The following AFG1L variants were observed in gnomAD, a reference collection of about 807,000 sequenced individuals.
The protein encoded by AFG1L is AFG1-like ATPase.
A neutral mutation model predicts 62.2 loss-of-function variants in AFG1L; 53 were observed. That is an observed-to-expected ratio of 0.85 (90% CI 0.68 to 1.07). The LOEUF (loss-of-function observed/expected upper bound fraction) is 1.07. Among genes scored for constraint, AFG1L ranks in the 50% least tolerant of loss-of-function variants. The pLI, the probability that AFG1L is intolerant of heterozygous loss-of-function variation, is 0.00. For missense variants in AFG1L, 555 were observed against 590.5 expected, an observed-to-expected ratio of 0.94 and a Z score of 0.62; for synonymous variants, 228 against 210.3, an observed-to-expected ratio of 1.08 and a Z score of -0.73.
chr6:108,461,283 A>C lies in AFG1L; in HGVS notation c.890+13987A>C, dbSNP rs189945523. 4.6e-5 allele frequency among the ~76,000 whole-genome samples: 7 copies of C among 152,318 alleles called. No homozygotes were observed. The East Asian group carries it at 1.3e-3, about 29-fold the overall frequency. On this transcript the variant is annotated intron_variant, in intron 8 of 12. Coordinates refer to ENST00000368977, the MANE Select transcript of AFG1L (RefSeq NM_145315.5). The stretch of plus-strand genomic sequence containing the variant: ...GAAGGGCTCTGTGGTGGGGAAATAT[A>C]GTTGGTTCTCAAAAGTAGATGCACG...
Position 108,346,991 on chromosome 6 carries a change from T to C in AFG1L, c.367T>C (p.Phe123Leu), listed in dbSNP as rs775252035. ...IEAEGLFSKL[F>L]SRSKPPRGLY... is the part of the protein sequence containing the mutation. ...ATAATTTGTTCTTAATTTGCAGCTTTTTTCAAGGAGCAAACCTCCAAGGGG... is the reference window on the plus strand; with the variant it reads ...ATAATTTGTTCTTAATTTGCAGCTTCTTTCAAGGAGCAAACCTCCAAGGGG... Residue 123 changes from phenylalanine to leucine, a missense_variant, in exon 3 of 13, where the codon TTT (phenylalanine) becomes CTT (leucine). Transcript: ENST00000368977. 6.2e-6 allele frequency: 10 copies of C among 1,612,868 alleles called. No homozygotes were observed. Among genetic ancestry groups the C allele is most frequent in the Non-Finnish European group, 8.5e-6 (10 of 1,179,102 alleles).
At chr6:108,507,028 G>A (rs1394349061) in intron 10 of AFG1L, among the ~76,000 whole-genome samples, 1 of 151,688 alleles carries the variant, frequency 6.6e-6, no homozygotes, top group Non-Finnish European at 1.5e-5. Flanking sequence ...TTTTTTGGGG[G>A]GAAAAAACTT....
At chr6:108,373,286 G>A (rs897650522) in intron 6 of AFG1L, among the ~76,000 whole-genome samples, 4 of 152,058 alleles carry the variant, frequency 2.6e-5, no homozygotes, top group East Asian at 1.9e-4. Context: ...GAGAACATGT[G>A]GTATATGGTT....
At chr6:108,404,553 C>T (rs529349636) in intron 7 of AFG1L, among the ~76,000 whole-genome samples, 1 of 151,834 alleles carries the variant, frequency 6.6e-6, no homozygotes, top group Non-Finnish European at 1.5e-5. Context: ...GTTAATTATG[C>T]TGTTCAAATC....
chr6:108,400,466 C>T (rs970518524), intron 6 of AFG1L, among the ~76,000 whole-genome samples: 3 of 148,932 alleles, frequency 2.0e-5, no homozygotes, highest in Admixed American at 6.9e-5. Flanking sequence ...TTTTGTCCTT[C>T]AAAGAATGGA....
At chr6:108,429,097 G>A (rs1582573192) in intron 7 of AFG1L, among the ~76,000 whole-genome samples, 1 of 152,060 alleles carries the variant, frequency 6.6e-6, no homozygotes, top group Admixed American at 6.5e-5. Flanking sequence ...ATAAGGTAAG[G>A]GATAGGGATC....
intron 10 of AFG1L, among the ~76,000 whole-genome samples, chr6:108,508,935 C>T (rs1169620011): frequency 6.6e-6 from 1 of 152,190 alleles, no homozygotes; most frequent in Non-Finnish European, 1.5e-5. Flanking sequence ...GCTCAGCCAC[C>T]TGTGTCCTAG....
At chr6:108,403,047 A>G (rs1396252498) in intron 7 of AFG1L, among the ~76,000 whole-genome samples, 2 of 152,140 alleles carry the variant, frequency 1.3e-5, no homozygotes, top group African/African-American at 4.8e-5. Context: ...CATTCTGCCA[A>G]TATTTATTAA....
intron 2 of AFG1L, among the ~76,000 whole-genome samples, chr6:108,337,888 A>G (rs1351266683): frequency 1.3e-5 from 2 of 152,166 alleles, no homozygotes; most frequent in Non-Finnish European, 2.9e-5. Context: ...CCTCAGGGAG[A>G]TGGTGTAATG....
At chr6:108,371,303 G>A (rs1271972013) in intron 6 of AFG1L, among the ~76,000 whole-genome samples, 1 of 152,180 alleles carries the variant, frequency 6.6e-6, no homozygotes, top group African/African-American at 2.4e-5. Context: ...CAGGCTGGGT[G>A]TAATGGCTCA....
At chr6:108,466,546 GT>G (rs886707076) in intron 8 of AFG1L, among the ~76,000 whole-genome samples, 1 of 151,866 alleles carries the variant, frequency 6.6e-6, no homozygotes, top group African/African-American at 2.4e-5. Flanking sequence ...TAGGACTGGT[GT>G]TCTCATAAGA....
Position 108,382,149 on chromosome 6 carries a change from C to T in AFG1L, c.748+15817C>T, listed in dbSNP as rs149627666. Among the ~76,000 whole-genome samples, 1,449 of 151,952 alleles carry T rather than the reference C, an allele frequency of 9.5e-3. 18 individuals carry two copies. The highest frequency in any genetic ancestry group is 0.032 in the African/African-American group (1,338 of 41,436). On this transcript the variant is annotated intron_variant, in intron 6 of 12. Transcript: ENST00000368977. ...CCGAGTAGCTGGGATTACAGGCACG[C>T]GCCACCACACCTGGCTAATTTTGTA...
chr6:108,415,072 G>C (rs1024723338), intron 7 of AFG1L, among the ~76,000 whole-genome samples: 3 of 152,186 alleles, frequency 2.0e-5, no homozygotes, highest in Non-Finnish European at 4.4e-5. Flanking sequence ...CTTCAGCAAA[G>C]TCTCAGGATA....
At chr6:108,441,710 A>T (rs868408641) in intron 7 of AFG1L, among the ~76,000 whole-genome samples, 242 of 117,512 alleles carry the variant, frequency 2.1e-3, no homozygotes, top group Middle Eastern at 8.7e-3. Context: ...TTAAAAAAAA[A>T]AAATATATAT....
At position 108,523,069 on chromosome 6, in the gene AFG1L, T is replaced by C. The variant is rs1348482691; in HGVS notation, c.*644T>C. 6.7e-6 allele frequency: 1 copy of C among 149,930 alleles called. No individual in the cohort carries two copies. The highest frequency in any genetic ancestry group is 1.5e-5 in the Non-Finnish European group (1 of 67,840). The allele number at this position is 149,930 out of a possible 1,614,324, so 9.3% of individuals were successfully genotyped here. On this transcript the variant is annotated 3_prime_UTR_variant, in exon 13 of 13. Coordinates refer to ENST00000368977, the MANE Select transcript of AFG1L (RefSeq NM_145315.5). ...TCTAAAAAAAAATAGAAAATTATGATGGGATCAAATAAGGAGCAAGTGTCA... is the reference window on the plus strand; with the variant it reads ...TCTAAAAAAAAATAGAAAATTATGACGGGATCAAATAAGGAGCAAGTGTCA...
intron 10 of AFG1L, among the ~76,000 whole-genome samples, chr6:108,479,755 C>T (rs1773258876): frequency 6.6e-6 from 1 of 152,120 alleles, no homozygotes; most frequent in Non-Finnish European, 1.5e-5. Flanking sequence ...GATAAAAACA[C>T]ATCCAACCTA....
At chr6:108,361,253 C>T (rs1779516005) in intron 5 of AFG1L, among the ~76,000 whole-genome samples, 2 of 152,238 alleles carry the variant, frequency 1.3e-5, no homozygotes, top group South Asian at 4.1e-4. Context: ...TTGTGTTCTT[C>T]CTGGCATCCC....
intron 6 of AFG1L, among the ~76,000 whole-genome samples, chr6:108,395,932 T>C (rs1002785672): frequency 1.1e-4 from 17 of 152,158 alleles, no homozygotes; most frequent in African/African-American, 3.9e-4. Context: ...AACCTCGACA[T>C]ACAGGGTTCA....
At chr6:108,311,244 G>A (rs1461422157) in intron 1 of AFG1L, among the ~76,000 whole-genome samples, 6 of 152,098 alleles carry the variant, frequency 3.9e-5, no homozygotes, top group African/African-American at 7.2e-5. Context: ...CCACACTGTC[G>A]TGTTTCTGGG....
Sources: allele counts gnomAD v4.1 joint callset (sites outside exome capture counted in the v4.1 genomes callset), GRCh38; gene constraint gnomAD v4.1.1; transcripts MANE v1.5; gene names NCBI Gene and HGNC (gene_info 2026-07-23, HGNC 2026-07-21).